The following HMOX1 variants were observed in gnomAD, a reference collection of about 807,000 sequenced individuals.
HMOX1 encodes heat shock protein, 32-kD.
A neutral mutation model predicts 27.8 loss-of-function variants in HMOX1; 22 were observed. That is an observed-to-expected ratio of 0.79 (90% CI 0.57 to 1.13). HMOX1 has a LOEUF of 1.13. Ranked by LOEUF, HMOX1 falls within the 50% of genes most tolerant of loss-of-function variation. The pLI is 0.00. For synonymous variants in HMOX1, 153 were observed against 151.6 expected, an observed-to-expected ratio of 1.01 and a Z score of -0.07; for missense variants, 379 against 377.7, an observed-to-expected ratio of 1.00 and a Z score of -0.03.
At position 35,381,200 on chromosome 22, in the gene HMOX1, AGCGCGGGGCGCGGGAC is replaced by A. The variant is rs778207858; in HGVS notation, c.23+8_23+23del. 8 of 1,547,346 alleles carry A rather than the reference AGCGCGGGGCGCGGGAC, an allele frequency of 5.2e-6. No homozygotes were observed. In the South Asian group the frequency reaches 9.4e-5, roughly 18 times the overall value. ...TGGAGCGTCCGCAACCCGACAGGCAAGCGCGGGGCGCGGGACGCGGGACGGGCGCCTTTCTCTCCCA... is the reference window on the plus strand; with the variant it reads ...TGGAGCGTCCGCAACCCGACAGGCAAGCGGGACGGGCGCCTTTCTCTCCCA... On this transcript the variant is annotated splice_donor_5th_base_variant and intron_variant, in intron 1 of 4. Coordinates refer to ENST00000216117, the MANE Select transcript of HMOX1 (RefSeq NM_002133.3).
In HMOX1 at chr22:35,393,721, C is replaced by T; in HGVS notation, c.*123C>T. The T allele has an allele frequency of 3.5e-6, 4 of 1,138,536 alleles. No individual in the cohort carries two copies. Among genetic ancestry groups the T allele is most frequent in the Admixed American group, 1.7e-5 (1 of 57,468 alleles). 70.5% of individuals were successfully genotyped at this position (1,138,536 alleles called of 1,614,324 possible). A position where few individuals can be genotyped will look rare whatever the true frequency, so the allele number is the denominator to read the frequency against. On this transcript the variant is annotated 3_prime_UTR_variant, in exon 5 of 5. Transcript: ENST00000216117. ...ACTGAAGGCTTTCAGGGCCTCCAGC[C>T]CTCTCACTGTGTCCCTCTCTCTGGA...
chr22:35,393,008 G>T (rs771339402), intron 4 of HMOX1, among the ~76,000 whole-genome samples: 1 of 152,108 alleles, frequency 6.6e-6, no homozygotes, highest in African/African-American at 2.4e-5. Context: ...GAGCCACTGC[G>T]CCCGGCCCTA....
At position 35,387,880 on chromosome 22, in the gene HMOX1, C is replaced by T. The variant is rs552584951; in HGVS notation, c.636+704C>T. On this transcript the variant is annotated intron_variant, in intron 3 of 4. Coordinates refer to ENST00000216117, the MANE Select transcript of HMOX1 (RefSeq NM_002133.3). ...AAGATTCTGGTCCTGGCCCCTGTTA[C>T]GGAACAAGGCCTTTCCCTTCCACCC... 5.3e-5 allele frequency among the ~76,000 whole-genome samples: 8 copies of T among 152,328 alleles called. No homozygotes were observed. The South Asian group carries it at 6.2e-4, about 12-fold the overall frequency.
rs894108001 is a variant in HMOX1 at position 35,381,138 on chromosome 22, C to G, written c.-36C>G. On this transcript the variant is annotated 5_prime_UTR_variant, in exon 1 of 5. Transcript: ENST00000216117. ...GAGCGTCCTCAGCGCAGCCGCCGCCCGCGGAGCCAGCACGAACGAGCCCAG... is the reference window on the plus strand; with the variant it reads ...GAGCGTCCTCAGCGCAGCCGCCGCCGGCGGAGCCAGCACGAACGAGCCCAG... 3 of 1,538,222 alleles carry G rather than the reference C, an allele frequency of 2.0e-6. No homozygotes were observed. The highest frequency in any genetic ancestry group is 2.4e-5 in the South Asian group (2 of 84,148).
chr22:35,387,605 TGCCTTCC>T (rs1337237994), intron 3 of HMOX1, among the ~76,000 whole-genome samples: 3 of 152,202 alleles, frequency 2.0e-5, no homozygotes, highest in African/African-American at 7.2e-5. Context: ...AGGTGGCCTC[TGCCTTCC>T]AGGGACTCTC....
chr22:35,383,595 G>C (rs540415771), intron 2 of HMOX1, among the ~76,000 whole-genome samples: 1 of 152,324 alleles, frequency 6.6e-6, no homozygotes, highest in African/African-American at 2.4e-5. Flanking sequence ...CAGCCAGTAA[G>C]TGGAAAAGGC....
intron 3 of HMOX1, among the ~76,000 whole-genome samples, chr22:35,388,308 C>G (rs907355615): frequency 9.2e-5 from 14 of 151,734 alleles, no homozygotes; most frequent in Admixed American, 3.9e-4. Context: ...AAAAATTAGC[C>G]AGACATAGTA....
Position 35,389,379 on chromosome 22 carries a change from CCTTCCTTCCTTCCTTCCTTT to C in HMOX1, c.637-481_637-462del, listed in dbSNP as rs1185547856. ...TCCTTCCTTCCTTCCTTCCTTCCTT[CCTTCCTTCCTTCCTTCCTTT>C]CTTTCTTTCTTTCTTTCTTTCTTTC... On this transcript the variant is annotated intron_variant, in intron 3 of 4. Coordinates refer to ENST00000216117, the MANE Select transcript of HMOX1 (RefSeq NM_002133.3). Among the ~76,000 whole-genome samples, 289 of 62,990 alleles carry C rather than the reference CCTTCCTTCCTTCCTTCCTTT, an allele frequency of 4.6e-3. 3 individuals carry two copies. Among genetic ancestry groups the C allele is most frequent in the Non-Finnish European group, 6.2e-3 (220 of 35,590 alleles). 41.3% of individuals were successfully genotyped at this position (62,990 alleles called of 152,430 possible).
chr22:35,391,740 C>T (rs1462450461), intron 4 of HMOX1, among the ~76,000 whole-genome samples: 3 of 150,090 alleles, frequency 2.0e-5, no homozygotes, highest in Non-Finnish European at 1.5e-5. Flanking sequence ...ACTATAGGCA[C>T]GTGCCACCAC....
intron 1 of HMOX1, among the ~76,000 whole-genome samples, chr22:35,382,625 A>C (rs1216572912): frequency 1.4e-5 from 2 of 146,116 alleles, no homozygotes; most frequent in African/African-American, 5.1e-5. Context: ...AGCCTCCCAA[A>C]GTGCTAGGAT....
At chr22:35,385,831 G>A (rs938615688) in intron 2 of HMOX1, among the ~76,000 whole-genome samples, 1 of 151,776 alleles carries the variant, frequency 6.6e-6, no homozygotes, top group African/African-American at 2.4e-5. Context: ...GCCCAGGCTG[G>A]TCTCTTGGCC....
chr22:35,383,218 G>A lies in HMOX1; in HGVS notation c.136G>A (p.Gly46Ser), dbSNP rs747965867. The A allele has an allele frequency of 1.2e-5, 19 of 1,613,422 alleles. No homozygotes were observed. The highest frequency in any genetic ancestry group is 1.1e-4 in the East Asian group (5 of 44,868). The change falls in exon 2 of 5, where the codon GGC (glycine) becomes AGC (serine). Residue 46 changes from glycine (G) to serine (S), a missense_variant. Coordinates refer to ENST00000216117, the MANE Select transcript of HMOX1 (RefSeq NM_002133.3). ...NFQKGQVTRDGFKLVMASLYH... is the reference protein window; with the variant it reads ...NFQKGQVTRDSFKLVMASLYH... ...TCAGAAGGGCCAGGTGACCCGAGAC[G>A]GCTTCAAGGTATGTGGCTTGGTGGG...
At chr22:35,382,291 G>A (rs1408656991) in intron 1 of HMOX1, among the ~76,000 whole-genome samples, 2 of 152,068 alleles carry the variant, frequency 1.3e-5, no homozygotes, top group Non-Finnish European at 2.9e-5. Context: ...ACAAAGCTGC[G>A]AGAGCCACCA....
At chr22:35,386,564 A>G in intron 2 of HMOX1, 121 bp from the exon 3 acceptor site, 1 of 1,216,880 alleles carries the variant, frequency 8.2e-7, no homozygotes, top group African/African-American at 1.5e-5. Flanking sequence ...GGGGTGGCAG[A>G]AGGAGTCAGA....
intron 1 of HMOX1, 134 bp downstream of exon 1, chr22:35,381,330 G>A: frequency 9.3e-7 from 1 of 1,077,358 alleles, no homozygotes; most frequent in Non-Finnish European, 1.4e-6. Flanking sequence ...GAGTCAGGAG[G>A]TGCGGGGTTC....
intron 2 of HMOX1, 119 bp downstream of exon 2, chr22:35,383,345 A>G: frequency 1.7e-6 from 2 of 1,150,292 alleles, no homozygotes; most frequent in Non-Finnish European, 2.5e-6. Flanking sequence ...GTCCAATAGA[A>G]TCATCTTAAA....
chr22:35,387,712 T>C (rs761151574), intron 3 of HMOX1, among the ~76,000 whole-genome samples: 11 of 152,210 alleles, frequency 7.2e-5, no homozygotes, highest in Admixed American at 2.6e-4. Context: ...GGATGAATTC[T>C]TGGGCAGAGG....
At chr22:35,382,097 A>G (rs1412330269) in intron 1 of HMOX1, among the ~76,000 whole-genome samples, 1 of 152,156 alleles carries the variant, frequency 6.6e-6, no homozygotes, top group African/African-American at 2.4e-5. Flanking sequence ...ACTGAATTAA[A>G]TATTGGGTCT....
intron 3 of HMOX1, 56 bp from the exon 4 acceptor site, chr22:35,389,808 C>G: frequency 8.4e-7 from 1 of 1,196,010 alleles, no homozygotes; most frequent in Non-Finnish European, 1.2e-6. Flanking sequence ...CTACCTTCAG[C>G]TGGGACCTGG....
Sources: allele counts gnomAD v4.1 joint callset (sites outside exome capture counted in the v4.1 genomes callset), GRCh38; gene constraint gnomAD v4.1.1; transcripts MANE v1.5; gene names NCBI Gene and HGNC (gene_info 2026-07-23, HGNC 2026-07-21).